ZC3H3: variants seen among roughly 807,000 people sequenced by gnomAD.
ZC3H3 encodes the protein zinc finger CCCH-type containing 3.
Under a neutral mutation model 77.3 loss-of-function variants are expected in ZC3H3, and 36 were observed. The ratio of observed to expected loss-of-function variants is 0.47; its 90% CI spans 0.36 to 0.61. ZC3H3 has a LOEUF of 0.61. ZC3H3 is among the 20% of genes least tolerant of loss of function. The pLI, the probability that ZC3H3 is intolerant of heterozygous loss-of-function variation, is 0.00. For missense variants in ZC3H3, 1,331 were observed against 1,312.2 expected, an observed-to-expected ratio of 1.01 and a Z score of -0.22; for synonymous variants, 626 against 555.2, an observed-to-expected ratio of 1.13 and a Z score of -1.79.
At chr8:143,465,301 C>A (rs1232903606) in intron 9 of ZC3H3, among the ~76,000 whole-genome samples, 7 of 149,686 alleles carry the variant, frequency 4.7e-5, no homozygotes, top group Non-Finnish European at 5.9e-5. Flanking sequence ...CCGTCCACCC[C>A]CTGCCTTCCT....
Position 143,468,494 on chromosome 8 carries a change from G to C in ZC3H3, c.1993C>G (p.Arg665Gly). 1 of 1,608,370 alleles carries C rather than the reference G, an allele frequency of 6.2e-7. No homozygotes were observed. The highest frequency in any genetic ancestry group is 8.5e-7 in the Non-Finnish European group (1 of 1,178,140). ...CAGTACTCCTTCCTCTTCTCCCTGC[G>C]CTGCCGCGCCTGCCGGATGATGGCC... is the stretch of plus-strand genomic sequence containing the variant. ...SLAIIRQARQ[R>G]REKRKEYCMY... Residue 665 changes from arginine (R) to glycine (G), a missense_variant, in exon 7 of 12, where the codon CGC (arginine) becomes GGC (glycine). Arg to Gly is a moderately radical substitution (Grantham distance 125). Coordinates refer to ENST00000262577, the MANE Select transcript of ZC3H3 (RefSeq NM_015117.3).
intron 9 of ZC3H3, among the ~76,000 whole-genome samples, chr8:143,458,517 G>C (rs1195082837): frequency 1.3e-5 from 1 of 78,676 alleles, no homozygotes; most frequent in Non-Finnish European, 2.9e-5. Context: ...CTTGAGCCCA[G>C]GATACAGCTG....
At chr8:143,484,925 G>A (rs748936633) in intron 4 of ZC3H3, 32 of 452,454 alleles carry the variant, frequency 7.1e-5, no homozygotes, top group Admixed American at 4.3e-4. Context: ...AACTTCATGC[G>A]GCCCTTGCAA....
At chr8:143,519,593 T>C (rs1822174786) in intron 3 of ZC3H3, among the ~76,000 whole-genome samples, 1 of 152,160 alleles carries the variant, frequency 6.6e-6, no homozygotes, top group Admixed American at 6.5e-5. Context: ...AGTGTTCACG[T>C]GTGCTCACAC....
intron 4 of ZC3H3, among the ~76,000 whole-genome samples, chr8:143,476,807 C>T (rs1005586774): frequency 7.2e-5 from 11 of 152,188 alleles, no homozygotes; most frequent in Admixed American, 5.2e-4. Context: ...CACACTGGTC[C>T]CCATGGCCCT....
At chr8:143,535,968 G>A (rs1015509307) in intron 3 of ZC3H3, among the ~76,000 whole-genome samples, 5 of 152,194 alleles carry the variant, frequency 3.3e-5, no homozygotes, top group African/African-American at 7.2e-5. Context: ...CTCAGCAGCC[G>A]CCGCCCTCTC....
At chr8:143,491,747 G>A (rs1563858096) in intron 4 of ZC3H3, among the ~76,000 whole-genome samples, 1 of 152,256 alleles carries the variant, frequency 6.6e-6, no homozygotes, top group Non-Finnish European at 1.5e-5. Context: ...CTCAGGGGCA[G>A]GGGAGGCAGA....
chr8:143,504,633 C>T (rs551894942), intron 4 of ZC3H3, among the ~76,000 whole-genome samples: 5 of 152,278 alleles, frequency 3.3e-5, no homozygotes, highest in South Asian at 2.1e-4. Context: ...CGCTGCACTG[C>T]GCTGCCCCCA....
At chr8:143,505,357 G>A (rs1300918077) in intron 4 of ZC3H3, among the ~76,000 whole-genome samples, 2 of 152,244 alleles carry the variant, frequency 1.3e-5, no homozygotes, top group East Asian at 3.8e-4. Context: ...GATGGCGCAT[G>A]GGCCAGGCTA....
At chr8:143,490,877 A>T (rs552471748) in intron 4 of ZC3H3, among the ~76,000 whole-genome samples, 2 of 152,296 alleles carry the variant, frequency 1.3e-5, no homozygotes, top group South Asian at 4.1e-4. Context: ...ATTGCACTCC[A>T]GCCTAGGTGA....
Position 143,440,962 on chromosome 8 carries a change from GCTC to G in ZC3H3, c.2463_2465del (p.Arg821del). ...TGGGCCCGTGGCTGGCCGAGACCCT[GCTC>G]CTGGCGGTTGCGTCGCTGGGCCCTG... On this transcript the variant is annotated inframe_deletion, in exon 10 of 12. Transcript: ENST00000262577. 1 of 1,442,788 alleles carries G rather than the reference GCTC, an allele frequency of 6.9e-7. No homozygotes were observed. The highest frequency in any genetic ancestry group is 9.1e-7 in the Non-Finnish European group (1 of 1,103,446). 89.4% of individuals were successfully genotyped at this position (1,442,788 alleles called of 1,614,324 possible).
At position 143,481,753 on chromosome 8, in the gene ZC3H3, C is replaced by T. The variant is rs189016311; in HGVS notation, c.1716-6168G>A. On this transcript the variant is annotated intron_variant, in intron 4 of 11. Coordinates refer to ENST00000262577, the MANE Select transcript of ZC3H3 (RefSeq NM_015117.3). ...TCTTTTAAACACACTCCAGCACTAG[C>T]TGGCCCTCCTGCTCCCACAGCCAGG... Among the ~76,000 whole-genome samples, 41 of 152,366 alleles carry T rather than the reference C, an allele frequency of 2.7e-4. No homozygotes were observed. The Middle Eastern group carries it at 0.01, about 38-fold the overall frequency.
chr8:143,501,684 C>G (rs541733818), intron 4 of ZC3H3, among the ~76,000 whole-genome samples: 1 of 150,848 alleles, frequency 6.6e-6, no homozygotes, highest in Non-Finnish European at 1.5e-5. Flanking sequence ...ATTCATCCCA[C>G]GGTCCTCTGA....
intron 9 of ZC3H3, among the ~76,000 whole-genome samples, chr8:143,446,300 A>G (rs1231512418): frequency 6.6e-6 from 1 of 152,244 alleles, no homozygotes; most frequent in Non-Finnish European, 1.5e-5. Flanking sequence ...AAATGTAAAG[A>G]AAACTATAAA....
At chr8:143,459,323 T>C (rs1336057709) in intron 9 of ZC3H3, among the ~76,000 whole-genome samples, 1 of 152,064 alleles carries the variant, frequency 6.6e-6, no homozygotes, top group Admixed American at 6.6e-5. Context: ...CAAGGCGGGC[T>C]GATCACCTGA....
chr8:143,533,038 G>A lies in ZC3H3; in HGVS notation c.1561+3219C>T, dbSNP rs1429444814. ...AGTGGCCTCACGCACAGGTCCTCCC[G>A]ACTCTGCCCACTCGGGCCTGCCAGA... On this transcript the variant is annotated intron_variant, in intron 3 of 11. Coordinates refer to ENST00000262577, the MANE Select transcript of ZC3H3 (RefSeq NM_015117.3). This position sits in a 1 kb window ranked among gnomAD's most constrained non-coding sequence, Gnocchi z 4.0. Among the ~76,000 whole-genome samples the A allele has an allele frequency of 1.3e-5, 2 of 152,058 alleles. No homozygotes were observed. The highest frequency in any genetic ancestry group is 2.1e-4 in the South Asian group (1 of 4,824).
rs1563891524 is a variant in ZC3H3 at position 143,538,974 on chromosome 8, T to C, written c.393A>G (p.Ser131=). 3.1e-6 allele frequency: 5 copies of C among 1,613,060 alleles called. No homozygotes were observed. Among genetic ancestry groups the C allele is most frequent in the Non-Finnish European group, 3.4e-6 (4 of 1,180,022 alleles). The change falls in exon 2 of 12, where the codon TCA becomes TCG. Residue 131 remains serine, a synonymous_variant. Transcript: ENST00000262577. ...CTGAGGCACTGGCAGAGCCAGACTT[T>C]GATGGCGGTTTAACTTTGATGACCA... The part of the protein sequence containing the change: ...QNVVIKVKPP[S]KSGSASASGA...
chr8:143,478,530 A>T (rs1820810395), intron 4 of ZC3H3, among the ~76,000 whole-genome samples: 1 of 152,070 alleles, frequency 6.6e-6, no homozygotes, highest in Non-Finnish European at 1.5e-5. Context: ...TTTTTTTGAG[A>T]TGGAGTTTTG....
At chr8:143,516,782 C>A (rs558628868) in intron 3 of ZC3H3, among the ~76,000 whole-genome samples, 1 of 152,170 alleles carries the variant, frequency 6.6e-6, no homozygotes, top group South Asian at 2.1e-4. Flanking sequence ...GTCCTGGCCT[C>A]GCGTCCCTGG....
Sources: allele counts gnomAD v4.1 joint callset (sites outside exome capture counted in the v4.1 genomes callset), GRCh38; gene constraint gnomAD v4.1.1; non-coding constraint Gnocchi (gnomAD v3.1); transcripts MANE v1.5; gene names NCBI Gene and HGNC (gene_info 2026-07-23, HGNC 2026-07-21).